Variants in TPGS2 observed in about 807,000 individuals in gnomAD.
TPGS2 encodes the protein tubulin polyglutamylase complex subunit 2, also known as polyglutamylase subunit 2.
Under a neutral mutation model 31.1 loss-of-function variants are expected in TPGS2, and 26 were observed. That is an observed-to-expected ratio of 0.84 (90% CI 0.61 to 1.16). The LOEUF is 1.16. Among genes scored for constraint, TPGS2 ranks in the 50% most tolerant of loss-of-function variants. TPGS2 has a pLI of 0.00. For synonymous variants in TPGS2, 130 were observed against 136.6 expected, an observed-to-expected ratio of 0.95 and a Z score of 0.34; for missense variants, 351 against 363.8, an observed-to-expected ratio of 0.96 and a Z score of 0.29.
rs2044435479 is a variant in TPGS2 at position 36,794,597 on chromosome 18, T to C, written c.*2208A>G. On this transcript the variant is annotated 3_prime_UTR_variant, in exon 7 of 7. Coordinates refer to ENST00000334295, the MANE Select transcript of TPGS2 (RefSeq NM_015476.4). Reference sequence around the variant, plus strand: ...CGCTTGTCTTGGAGAAGCAGCCAAATGCTAGAATCTCCTATCCAGTGCCGT... The same window carrying C: ...CGCTTGTCTTGGAGAAGCAGCCAAACGCTAGAATCTCCTATCCAGTGCCGT... 12 of 985,294 alleles carry C rather than the reference T, an allele frequency of 1.2e-5. No homozygotes were observed. Among genetic ancestry groups the C allele is most frequent in the Non-Finnish European group, 1.4e-5 (12 of 829,940 alleles). 61.0% of individuals were successfully genotyped at this position (985,294 alleles called of 1,614,324 possible). A position where few individuals can be genotyped will look rare whatever the true frequency, so the allele number is the denominator to read the frequency against.
In TPGS2 at chr18:36,795,564, G is replaced by GAAAT; in HGVS notation, c.*1237_*1240dup. On this transcript the variant is annotated 3_prime_UTR_variant, in exon 7 of 7. Transcript: ENST00000334295. ...CCCACAGCCAGGACTGTAGAGGGAG[G>GAAAT]AAATAAATAGGCATTCCTAATTGAA... The GAAAT allele has an allele frequency of 1.0e-6, 1 of 985,440 alleles. No individual in the cohort carries two copies. The allele number at this position is 985,440 out of a possible 1,614,324, so 61.0% of individuals were successfully genotyped here. A position where few individuals can be genotyped will look rare whatever the true frequency, so the allele number is the denominator to read the frequency against.
downstream of TPGS2, chr18:36,789,385 T>C (rs1393698689): frequency 6.6e-6 from 1 of 152,178 alleles, no homozygotes; most frequent in Non-Finnish European, 1.5e-5. Context: ...ATAACTAATA[T>C]GGTAGCCACT....
At chr18:36,798,350 C>A in intron 6 of TPGS2, 99 bp downstream of exon 6, 8 of 1,572,478 alleles carry the variant, frequency 5.1e-6, no homozygotes, top group Non-Finnish European at 6.0e-6. Flanking sequence ...CCTAGATCTC[C>A]TGAATCAGAT....
At chr18:36,820,975 G>C (rs1437331127) in intron 1 of TPGS2, 1 of 152,186 alleles carries the variant, frequency 6.6e-6, no homozygotes, top group Non-Finnish European at 1.5e-5. Flanking sequence ...CACATCTTTA[G>C]ATATGCCGTG....
chr18:36,813,984 G>C (rs769516463), intron 2 of TPGS2, among the ~76,000 whole-genome samples: 7 of 152,170 alleles, frequency 4.6e-5, no homozygotes, highest in Non-Finnish European at 1.0e-4. Context: ...AGATCTTCAA[G>C]AAGGTTCAGA....
intron 6 of TPGS2, chr18:36,786,580 AG>A (rs2044134754): frequency 3.3e-6 from 1 of 303,474 alleles, no homozygotes; most frequent in Admixed American, 5.1e-5. Flanking sequence ...ACATGGCTTT[AG>A]ATCCTGTTTA....
downstream of TPGS2, among the ~76,000 whole-genome samples, chr18:36,792,417 A>T (rs1386577660): frequency 3.3e-5 from 5 of 152,226 alleles, no homozygotes. Context: ...AACTCTCCAT[A>T]ATAAAAGGTT....
intron 5 of TPGS2, among the ~76,000 whole-genome samples, chr18:36,798,934 G>A (rs778107985): frequency 7.2e-5 from 11 of 152,126 alleles, no homozygotes; most frequent in Non-Finnish European, 1.2e-4. Flanking sequence ...CCCCTCCCCC[G>A]GTAGGGGGGC....
downstream of TPGS2, among the ~76,000 whole-genome samples, chr18:36,793,250 C>A (rs2044375789): frequency 6.6e-6 from 1 of 152,186 alleles, no homozygotes; most frequent in South Asian, 2.1e-4. Flanking sequence ...AACATATATC[C>A]AGTGTTCCTT....
downstream of TPGS2, among the ~76,000 whole-genome samples, chr18:36,790,397 T>C (rs2044268636): frequency 6.6e-6 from 1 of 152,232 alleles, no homozygotes; most frequent in South Asian, 2.1e-4. Context: ...ACTGAAAGCA[T>C]CCAGAGAGAT....
intron 2 of TPGS2, among the ~76,000 whole-genome samples, chr18:36,814,020 CTG>C (rs2045547445): frequency 6.6e-6 from 1 of 152,076 alleles, no homozygotes; most frequent in Non-Finnish European, 1.5e-5. Context: ...TGTAGAAAAA[CTG>C]AGTCTGAAAA....
At chr18:36,807,100 T>TGGACTGGAGGGGAG (rs2045187531) in intron 3 of TPGS2, among the ~76,000 whole-genome samples, 1 of 151,206 alleles carries the variant, frequency 6.6e-6, no homozygotes, top group African/African-American at 2.4e-5. Context: ...GAGACAATAA[T>TGGACTGGAGGGGAG]GGACTGGAGG....
chr18:36,812,718 A>G (rs2045485074), intron 2 of TPGS2, among the ~76,000 whole-genome samples: 1 of 152,236 alleles, frequency 6.6e-6, no homozygotes, highest in Admixed American at 6.5e-5. Context: ...CACAGGTAAA[A>G]CAACCTGGGA....
At chr18:36,818,161 T>C (rs1451391159) in intron 2 of TPGS2, among the ~76,000 whole-genome samples, 1 of 152,228 alleles carries the variant, frequency 6.6e-6, no homozygotes, top group Non-Finnish European at 1.5e-5. Context: ...CCCATCTTCC[T>C]AGATCCCATC....
At chr18:36,826,152 C>T (rs1170374380) in intron 1 of TPGS2, among the ~76,000 whole-genome samples, 2 of 152,110 alleles carry the variant, frequency 1.3e-5, no homozygotes, top group Non-Finnish European at 2.9e-5. Flanking sequence ...ATCCTCCTAT[C>T]TCAGCCTCCT....
At chr18:36,820,555 TTC>T (rs1487427920) in intron 1 of TPGS2, among the ~76,000 whole-genome samples, 2 of 152,214 alleles carry the variant, frequency 1.3e-5, no homozygotes, top group Admixed American at 6.5e-5. Context: ...ATTTGTATAA[TTC>T]TCTGTTACAG....
chr18:36,781,769 T>C, downstream of TPGS2: 2 of 985,490 alleles, frequency 2.0e-6, no homozygotes, highest in Non-Finnish European at 2.4e-6. Flanking sequence ...TCTGTGCCTG[T>C]GTTCCCCTCT....
downstream of TPGS2, among the ~76,000 whole-genome samples, chr18:36,791,807 G>A (rs2044319072): frequency 6.6e-6 from 1 of 152,062 alleles, no homozygotes; most frequent in Non-Finnish European, 1.5e-5. Context: ...TGAGGTGGGA[G>A]GATTGCTTGA....
At chr18:36,793,880 G>GGCGCCCGCCACC (rs2044403099), downstream of TPGS2, among the ~76,000 whole-genome samples, 1 of 152,016 alleles carries the variant, frequency 6.6e-6, no homozygotes, top group African/African-American at 2.4e-5. Flanking sequence ...TGGGACTACA[G>GGCGCCCGCCACC]GCGCCCGCCA....
Sources: allele counts gnomAD v4.1 joint callset (sites outside exome capture counted in the v4.1 genomes callset), GRCh38; gene constraint gnomAD v4.1.1; transcripts MANE v1.5; gene names NCBI Gene and HGNC (gene_info 2026-07-23, HGNC 2026-07-21).